The following ZNF562 variants were observed in gnomAD, a reference collection of about 807,000 sequenced individuals.
The protein encoded by ZNF562 is zinc finger protein 562.
ZNF562 carries 13 observed loss-of-function variants against 17.5 expected under a neutral mutation model. The observed-to-expected ratio is 0.74, with a 90% CI of 0.48 to 1.18. The LOEUF (loss-of-function observed/expected upper bound fraction) is 1.18. Among genes scored for constraint, ZNF562 ranks in the 50% most tolerant of loss-of-function variants. The pLI is 0.00. For missense variants in ZNF562, 481 were observed against 498.5 expected, an observed-to-expected ratio of 0.96 and a Z score of 0.33; for synonymous variants, 163 against 165.4, an observed-to-expected ratio of 0.99 and a Z score of 0.11.
intron 1 of ZNF562, among the ~76,000 whole-genome samples, chr19:9,671,395 C>T (rs918173842): frequency 6.6e-6 from 1 of 152,056 alleles, no homozygotes; most frequent in African/African-American, 2.4e-5. Context: ...GCACCTAATA[C>T]CACCTACCAT....
rs1025710010 is a variant in ZNF562, at chr19:9,651,185, G to C, written c.*1764C>G. The C allele has an allele frequency of 6.6e-6, 1 of 152,076 alleles. No homozygotes were observed. The highest frequency in any genetic ancestry group is 1.5e-5 in the Non-Finnish European group (1 of 68,024). 9.4% of individuals were successfully genotyped at this position (152,076 alleles called of 1,614,324 possible). A position where few individuals can be genotyped will look rare whatever the true frequency, so the allele number is the denominator to read the frequency against. Reference sequence around the variant, plus strand: ...AATGAGTAGAGGCTGGAAAAATTCTGATGTGCAAGCTGGAAATAAGGTTGG... The same window carrying C: ...AATGAGTAGAGGCTGGAAAAATTCTCATGTGCAAGCTGGAAATAAGGTTGG... On this transcript the variant is annotated 3_prime_UTR_variant, in exon 6 of 6. Transcript: ENST00000453372.
At chr19:9,656,344 C>T (rs1195017779) in intron 5 of ZNF562, among the ~76,000 whole-genome samples, 2 of 151,464 alleles carry the variant, frequency 1.3e-5, no homozygotes, top group Non-Finnish European at 2.9e-5. Flanking sequence ...CCTGTCTCTA[C>T]TATAAATACA....
At chr19:9,657,458 T>C (rs1287917546) in intron 4 of ZNF562, among the ~76,000 whole-genome samples, 2 of 151,574 alleles carry the variant, frequency 1.3e-5, no homozygotes, top group Non-Finnish European at 2.9e-5. Flanking sequence ...ACTGGTAGTT[T>C]TGTTTGACTA....
chr19:9,656,871 A>AAAAAAAAAAT lies in ZNF562; in HGVS notation c.242-219_242-218insATTTTTTTTT, dbSNP rs376933513. ...AACCCTCTCTCTAGTAAAATACAAA[A>AAAAAAAAAAT]ATATATATATATATATATATTAGCC... On this transcript the variant is annotated intron_variant, in intron 4 of 5. Transcript: ENST00000453372. Among the ~76,000 whole-genome samples the AAAAAAAAAAT allele has an allele frequency of 7.5e-3, 1,068 of 142,420 alleles. 5 individuals are homozygous for AAAAAAAAAAT. Among genetic ancestry groups the AAAAAAAAAAT allele is most frequent in the South Asian group, 0.023 (106 of 4,530 alleles). 93.4% of individuals were successfully genotyped at this position (142,420 alleles called of 152,430 possible).
intron 1 of ZNF562, among the ~76,000 whole-genome samples, chr19:9,672,292 T>G (rs2044224755): frequency 6.6e-6 from 1 of 152,212 alleles, no homozygotes. Flanking sequence ...GACATTATTA[T>G]TTTTAATTTA....
At chr19:9,655,249 A>G (rs1013665079) in intron 5 of ZNF562, among the ~76,000 whole-genome samples, 1 of 152,154 alleles carries the variant, frequency 6.6e-6, no homozygotes, top group Non-Finnish European at 1.5e-5. Flanking sequence ...TCAGCTTCCC[A>G]AAGTGCTGGG....
intron 1 of ZNF562, among the ~76,000 whole-genome samples, chr19:9,667,724 A>G (rs750599254): frequency 6.6e-6 from 1 of 151,930 alleles, no homozygotes; most frequent in Non-Finnish European, 1.5e-5. Flanking sequence ...CCGAGTAGCT[A>G]GAACCACAGG....
chr19:9,656,699 G>C, intron 4 of ZNF562, 46 bp from the exon 5 acceptor site: 1 of 1,576,588 alleles, frequency 6.3e-7, no homozygotes, highest in Non-Finnish European at 8.7e-7. Context: ...TTAGTCATTT[G>C]TCCTTGTTTT....
At chr19:9,669,810 C>G (rs1414199262) in intron 1 of ZNF562, among the ~76,000 whole-genome samples, 1 of 150,408 alleles carries the variant, frequency 6.6e-6, no homozygotes, top group Non-Finnish European at 1.5e-5. Flanking sequence ...GCCTGTAATC[C>G]CAGCTCTTTA....
intron 1 of ZNF562, among the ~76,000 whole-genome samples, chr19:9,662,356 C>T (rs2145007146): frequency 6.6e-6 from 1 of 151,726 alleles, no homozygotes; most frequent in Admixed American, 6.6e-5. Context: ...GGCAGATCAC[C>T]TGAGGTCAGG....
At position 9,645,595 on chromosome 19, in the gene ZNF562, TA is replaced by T; in HGVS notation, c.*7353del. 1 of 152,260 alleles carries T rather than the reference TA, an allele frequency of 6.6e-6. No individual in the cohort carries two copies. Among genetic ancestry groups the T allele is most frequent in the Non-Finnish European group, 1.5e-5 (1 of 68,028 alleles). The allele number at this position is 152,260 out of a possible 1,614,324, so 9.4% of individuals were successfully genotyped here. A position where few individuals can be genotyped will look rare whatever the true frequency, so the allele number is the denominator to read the frequency against. On this transcript the variant is annotated 3_prime_UTR_variant, in exon 6 of 6. Transcript: ENST00000453372. Reference sequence around the variant, plus strand: ...TGGTCAAAGCAAGGACTGGCTCACATAAAAAGGAGAGAGATTGCACCTTCAG... The same window carrying T: ...TGGTCAAAGCAAGGACTGGCTCACATAAAAGGAGAGAGATTGCACCTTCAG...
intron 1 of ZNF562, among the ~76,000 whole-genome samples, chr19:9,661,099 A>G (rs917054400): frequency 7.9e-5 from 12 of 152,288 alleles, no homozygotes; most frequent in African/African-American, 2.9e-4. Flanking sequence ...CTTAATTATC[A>G]TAACCATCCT....
At chr19:9,671,619 CAA>C (rs2044199824) in intron 1 of ZNF562, among the ~76,000 whole-genome samples, 1 of 152,212 alleles carries the variant, frequency 6.6e-6, no homozygotes, top group Non-Finnish European at 1.5e-5. Context: ...CAACTGTAGA[CAA>C]GAGCAATTTC....
Position 9,669,734 on chromosome 19 carries a change from G to GCACACACACACA in ZNF562, c.-131+5269_-131+5280dup, listed in dbSNP as rs71188835. On this transcript the variant is annotated intron_variant, in intron 1 of 5. Coordinates refer to ENST00000453372, the MANE Select transcript of ZNF562 (RefSeq NM_001130031.2). Reference sequence around the variant, plus strand: ...CGCGCGCGAGCGCGCGCGCGCGCGCGCACACACACACACACACACACACAC... The same window carrying GCACACACACACA: ...CGCGCGCGAGCGCGCGCGCGCGCGCGCACACACACACACACACACACACACACACACACACAC... Among the ~76,000 whole-genome samples, 279 of 109,310 alleles carry GCACACACACACA rather than the reference G, an allele frequency of 2.6e-3. 4 individuals carry two copies. The highest frequency in any genetic ancestry group is 6.3e-3 in the South Asian group (18 of 2,846). 71.7% of individuals were successfully genotyped at this position (109,310 alleles called of 152,430 possible).
rs1276743378 is a variant in ZNF562, at chr19:9,648,973, G to GA, written c.*3975dup. Reference sequence around the variant, plus strand: ...TCATCATGTAAAAACTGGATATAAAGAAAAAACTTTTCCTGCAGGACATTG... The same window carrying GA: ...TCATCATGTAAAAACTGGATATAAAGAAAAAAACTTTTCCTGCAGGACATTG... On this transcript the variant is annotated 3_prime_UTR_variant, in exon 6 of 6. Coordinates refer to ENST00000453372, the MANE Select transcript of ZNF562 (RefSeq NM_001130031.2). The GA allele has an allele frequency of 6.6e-6, 1 of 152,120 alleles. No homozygotes were observed. Among genetic ancestry groups the GA allele is most frequent in the Non-Finnish European group, 1.5e-5 (1 of 68,010 alleles). 9.4% of individuals were successfully genotyped at this position (152,120 alleles called of 1,614,324 possible).
chr19:9,661,182 T>C (rs1981834), intron 1 of ZNF562, among the ~76,000 whole-genome samples: 40,205 of 152,036 alleles, frequency 0.26, 6,136 homozygotes, highest in African/African-American at 0.39. Flanking sequence ...CAGGGTCTCA[T>C]TCTGTTGCCC....
In ZNF562 at chr19:9,653,869, A is replaced by G; in HGVS notation, c.361T>C (p.Tyr121His). ...TTCTCACAGAGTTTCCATCCACTGT[A>G]GCTTCTTGTCTGCTGATGAGGGGAT... ...FTGIQMQTRS[Y>H]SGWKLCENCG... Residue 121 changes from tyrosine to histidine, a missense_variant, in exon 6 of 6, where the codon TAC becomes CAC. Tyr to His is a moderately conservative substitution (Grantham distance 83). Around this residue, in one of 2 missense-constraint regions of ZNF562, gnomAD observed 403 missense variants for 386.4 expected, o/e 1.04. Transcript: ENST00000453372. The G allele has an allele frequency of 6.3e-7, 1 of 1,574,808 alleles. No homozygotes were observed. Among genetic ancestry groups the G allele is most frequent in the Non-Finnish European group, 8.6e-7 (1 of 1,161,974 alleles).
At position 9,659,418 on chromosome 19, in the gene ZNF562, T is replaced by C; in HGVS notation, c.75A>G (p.Ile25Met). The C allele has an allele frequency of 6.4e-7, 1 of 1,551,570 alleles. No individual in the cohort carries two copies. The highest frequency in any genetic ancestry group is 8.7e-7 in the Non-Finnish European group (1 of 1,146,944). ...PICPFEEKTK[I>M]GTMVEDHRSN... ...ACCGGTGGTCCTCTACCATCGTTCCTATCTTTGTCTTTTCTTCAAAAGGAC... is the reference window on the plus strand; with the variant it reads ...ACCGGTGGTCCTCTACCATCGTTCCCATCTTTGTCTTTTCTTCAAAAGGAC... Residue 25 changes from isoleucine (I) to methionine (M), a missense_variant, in exon 3 of 6, where the codon ATA (isoleucine) becomes ATG (methionine). Physicochemically the swap from Ile to Met is conservative, Grantham distance 10. Around this residue, in one of 2 missense-constraint regions of ZNF562, gnomAD observed 403 missense variants for 386.4 expected, o/e 1.04. Coordinates refer to ENST00000453372, the MANE Select transcript of ZNF562 (RefSeq NM_001130031.2).
chr19:9,645,835 T>A lies in ZNF562; in HGVS notation c.*7114A>T, dbSNP rs561656915. 2 of 152,338 alleles carry A rather than the reference T, an allele frequency of 1.3e-5. No homozygotes were observed. The highest frequency in any genetic ancestry group is 2.4e-5 in the African/African-American group (1 of 41,592). 9.4% of individuals were successfully genotyped at this position (152,338 alleles called of 1,614,324 possible). On this transcript the variant is annotated 3_prime_UTR_variant, in exon 6 of 6. Transcript: ENST00000453372. ...GAAAGAAAAGGTATTAAGGAAGACT[T>A]ATATTTAAAATTGTTATTTATGGTA... is the stretch of plus-strand genomic sequence containing the variant.
Sources: gnomAD v4.1 joint callset for allele counts (sites outside exome capture counted in the v4.1 genomes callset) on GRCh38, gnomAD v4.1.1 for gene constraint, gnomAD v4.1.1 regional missense constraint, MANE v1.5 for transcripts, NCBI Gene and HGNC (gene_info 2026-07-23, HGNC 2026-07-21) for gene names.